Variants in FABP2 observed in about 807,000 individuals in gnomAD.
FABP2 encodes fatty acid-binding protein, intestinal.
A neutral mutation model predicts 16.1 loss-of-function variants in FABP2; 11 were observed. The ratio of observed to expected loss-of-function variants is 0.68; its 90% CI spans 0.43 to 1.13. The LOEUF is 1.13. Ranked by LOEUF, FABP2 falls within the 50% of genes most tolerant of loss-of-function variation. The probability of loss-of-function intolerance (pLI) is 0.00; values close to 1 mark genes in which losing one functional copy is unlikely to be tolerated. For missense variants in FABP2, 146 were observed against 155.1 expected (o/e 0.94, Z 0.31); for synonymous variants, 45 against 50.9 (o/e 0.88, Z 0.49).
rs750578705 is a variant in FABP2 at position 119,322,127 on chromosome 4, G to A, written c.-25C>T. On this transcript the variant is annotated 5_prime_UTR_variant, in exon 1 of 4. Coordinates refer to ENST00000274024, the MANE Select transcript of FABP2 (RefSeq NM_000134.4). The stretch of plus-strand genomic sequence containing the variant: ...TGATTTCAGTTGAGTCAGCCTCTAG[G>A]CAGCTAGAGATTCAGGTCTGTCCTT... The A allele has an allele frequency of 1.8e-5, 28 of 1,593,834 alleles. No homozygotes were observed. Among genetic ancestry groups the A allele is most frequent in the Non-Finnish European group, 2.3e-5 (27 of 1,163,866 alleles).
At position 119,320,839 on chromosome 4, in the gene FABP2, A is replaced by G. The variant is rs769550240; in HGVS notation, c.71T>C (p.Val24Ala). ...NYDKFMEKMG[V>A]NIVKRKLAAH... The stretch of plus-strand genomic sequence containing the variant: ...TGCAAGCTTCCTTTTCACTATATTA[A>G]CACCTGTAAAAGGTAAGACAATGGA... The change falls in exon 2 of 4, where the codon GTT becomes GCT. Residue 24 changes from valine (V) to alanine (A), a missense_variant. Physicochemically the swap from Val to Ala is moderately conservative, Grantham distance 64. Transcript: ENST00000274024. 3.3e-5 allele frequency: 52 copies of G among 1,569,238 alleles called. No individual in the cohort carries two copies. The South Asian group carries it at 6.2e-4, about 19-fold the overall frequency.
At chr4:119,321,991 T>C (rs1344797072) in intron 1 of FABP2, 45 bp downstream of exon 1, 5 of 1,505,848 alleles carry the variant, frequency 3.3e-6, no homozygotes, top group Non-Finnish European at 1.8e-6. Context: ...AGAAAAATGT[T>C]TGTAAGAAAG....
At position 119,319,644 on chromosome 4, in the gene FABP2, C is replaced by A; in HGVS notation, c.241-1G>T. ...TATTTCCCTCAAGGCTCCAGGTCCC[C>A]TACATAATAATAATAATAATAATAA... On this transcript the variant is annotated splice_acceptor_variant, in intron 2 of 3. Transcript: ENST00000274024. LOFTEE classifies it high-confidence loss of function. 1 of 1,006,808 alleles carries A rather than the reference C, an allele frequency of 9.9e-7. No individual in the cohort carries two copies. Among genetic ancestry groups the A allele is most frequent in the South Asian group, 1.9e-5 (1 of 52,644 alleles). The allele number at this position is 1,006,808 out of a possible 1,614,324, so 62.4% of individuals were successfully genotyped here.
chr4:119,318,287 A>G lies in FABP2; in HGVS notation c.*754T>C, dbSNP rs1278664713. 2 of 152,084 alleles carry G rather than the reference A, an allele frequency of 1.3e-5. No homozygotes were observed. The highest frequency in any genetic ancestry group is 2.9e-5 in the Non-Finnish European group (2 of 67,984). 9.4% of individuals were successfully genotyped at this position (152,084 alleles called of 1,614,324 possible). A position where few individuals can be genotyped will look rare whatever the true frequency, so the allele number is the denominator to read the frequency against. On this transcript the variant is annotated 3_prime_UTR_variant, in exon 4 of 4. Transcript: ENST00000274024. ...TGAGTTATGGAAATACTTATTTTAC[A>G]TTTGTGTTTCTTATTTCTAAGTTTT...
In FABP2 at chr4:119,318,969, A is replaced by G; in HGVS notation, c.*72T>C. On this transcript the variant is annotated 3_prime_UTR_variant, in exon 4 of 4. Transcript: ENST00000274024. ...CAGTAACCTTATACTTGATGGGGTG[A>G]AATAAATAGTTCTGGTACAATATAG... 1 of 1,209,200 alleles carries G rather than the reference A, an allele frequency of 8.3e-7. No homozygotes were observed. The highest frequency in any genetic ancestry group is 1.2e-6 in the Non-Finnish European group (1 of 842,242). The allele number at this position is 1,209,200 out of a possible 1,614,324, so 74.9% of individuals were successfully genotyped here. A position where few individuals can be genotyped will look rare whatever the true frequency, so the allele number is the denominator to read the frequency against.
intron 3 of FABP2, 60 bp from the exon 4 acceptor site, chr4:119,319,151 AAGT>A (rs1266306921): frequency 4.5e-6 from 5 of 1,100,212 alleles, no homozygotes; most frequent in Admixed American, 2.4e-5. Flanking sequence ...AGTTAAGAAA[AAGT>A]AGTATTATAG....
intron 1 of FABP2, among the ~76,000 whole-genome samples, 174 bp from the exon 2 acceptor site, chr4:119,321,016 G>A (rs1755660791): frequency 6.6e-6 from 1 of 152,092 alleles, no homozygotes; most frequent in Non-Finnish European, 1.5e-5. Flanking sequence ...ATCAGATCAA[G>A]AGAACTGATT....
At chr4:119,320,641 G>T in intron 2 of FABP2, 29 bp downstream of exon 2, 1 of 1,510,832 alleles carries the variant, frequency 6.6e-7, no homozygotes. Flanking sequence ...AATCAAGAAT[G>T]CATTGCTCAT....
chr4:119,319,421 G>C, intron 3 of FABP2, 115 bp downstream of exon 3: 1 of 584,966 alleles, frequency 1.7e-6, no homozygotes, highest in African/African-American at 1.9e-5. Context: ...AAATCAGTAA[G>C]ATTTATGAGA....
At position 119,320,671 on chromosome 4, in the gene FABP2, C is replaced by G. The variant is rs769786920; in HGVS notation, c.239G>C (p.Arg80Thr). 2 of 1,560,502 alleles carry G rather than the reference C, an allele frequency of 1.3e-6. No homozygotes were observed. The highest frequency in any genetic ancestry group is 1.7e-6 in the Non-Finnish European group (2 of 1,164,050). The change falls in exon 2 of 4, where the codon AGG (arginine) becomes ACG (threonine). Residue 80 changes from arginine (R) to threonine (T), a missense_variant and splice_region_variant. By Grantham distance (71) the Arg-to-Thr change is moderately conservative. Transcript: ENST00000274024. ...GCTCATAAAAAAAAAAATTCTTACC[C>G]TGAGTTCAGTTCCGTCTGCTAGATT... is the stretch of plus-strand genomic sequence containing the variant. Reference protein sequence around the residue: ...NYNLADGTELRGTWSLEGNKL... With the variant: ...NYNLADGTELTGTWSLEGNKL...
chr4:119,320,848 A>T lies in FABP2; in HGVS notation c.68-6T>A. The T allele has an allele frequency of 1.3e-6, 2 of 1,555,004 alleles. No individual in the cohort carries two copies. Among genetic ancestry groups the T allele is most frequent in the Non-Finnish European group, 1.7e-6 (2 of 1,159,830 alleles). On this transcript the variant is annotated splice_region_variant and splice_polypyrimidine_tract_variant and intron_variant, in intron 1 of 3. Coordinates refer to ENST00000274024, the MANE Select transcript of FABP2 (RefSeq NM_000134.4). ...CCTTTTCACTATATTAACACCTGTA[A>T]AAGGTAAGACAATGGAGAAAATAAA... is the stretch of plus-strand genomic sequence containing the variant.
At chr4:119,320,990 C>A in intron 1 of FABP2, 148 bp from the exon 2 acceptor site, 1 of 608,330 alleles carries the variant, frequency 1.6e-6, no homozygotes, top group Non-Finnish European at 2.7e-6. Context: ...ATTGCTTCTA[C>A]AGAAGTTCAG....
intron 2 of FABP2, among the ~76,000 whole-genome samples, chr4:119,320,226 C>T (rs1047981121): frequency 6.6e-6 from 1 of 152,036 alleles, no homozygotes; most frequent in African/African-American, 2.4e-5. Context: ...AAAAGGTACA[C>T]TCCCAATGAC....
chr4:119,319,071 T>TAAAG lies in FABP2; in HGVS notation c.368_369insCTTT (p.Glu124PhefsTer8). 6.2e-7 allele frequency: 1 copy of TAAAG among 1,601,946 alleles called. No homozygotes were observed. ...CCTTTTTAAAGATCCTTTTGGCTTC[T>TAAAG]ACTCCTTCATATACATAAGTCTGAA... On this transcript the variant is annotated frameshift_variant, in exon 4 of 4. Coordinates refer to ENST00000274024, the MANE Select transcript of FABP2 (RefSeq NM_000134.4). LOFTEE classifies it high-confidence loss of function.
At chr4:119,319,142 G>A in intron 3 of FABP2, 51 bp from the exon 4 acceptor site, 1 of 1,262,818 alleles carries the variant, frequency 7.9e-7, no homozygotes, top group South Asian at 1.4e-5. Context: ...TTACATCTAA[G>A]TTAAGAAAAA....
chr4:119,320,983 G>C, intron 1 of FABP2, 141 bp from the exon 2 acceptor site: 2 of 631,962 alleles, frequency 3.2e-6, no homozygotes, highest in Non-Finnish European at 2.5e-6. Context: ...CATTCAGATT[G>C]CTTCTACAGA....
intron 1 of FABP2, among the ~76,000 whole-genome samples, chr4:119,321,547 A>T (rs1031231459): frequency 6.6e-6 from 1 of 152,148 alleles, no homozygotes; most frequent in Non-Finnish European, 1.5e-5. Flanking sequence ...AGAAAACTAC[A>T]CAGCTTCTCA....
chr4:119,319,587 A>C lies in FABP2; in HGVS notation c.297T>G (p.Asn99Lys). 3.2e-6 allele frequency: 5 copies of C among 1,545,114 alleles called. No homozygotes were observed. The highest frequency in any genetic ancestry group is 3.6e-4 in the Middle Eastern group (2 of 5,550). ...KLIGKFKRTD[N>K]GNELNTVREI... ...CTCGGACAGTATTCAGTTCGTTTCCATTGTCTGTCCGTTTGAATTTTCCAA... is the reference window on the plus strand; with the variant it reads ...CTCGGACAGTATTCAGTTCGTTTCCCTTGTCTGTCCGTTTGAATTTTCCAA... Residue 99 changes from asparagine to lysine, a missense_variant, in exon 3 of 4, where the codon AAT becomes AAG. Asn to Lys is a moderately conservative substitution (Grantham distance 94). Coordinates refer to ENST00000274024, the MANE Select transcript of FABP2 (RefSeq NM_000134.4).
chr4:119,321,057 T>C (rs1208964751), intron 1 of FABP2, among the ~76,000 whole-genome samples: 1 of 152,082 alleles, frequency 6.6e-6, no homozygotes, highest in Non-Finnish European at 1.5e-5. Context: ...TGAGAAAAAT[T>C]AAGTAGAGTA....
Sources: allele counts gnomAD v4.1 joint callset (sites outside exome capture counted in the v4.1 genomes callset), GRCh38; gene constraint gnomAD v4.1.1; transcripts MANE v1.5; gene names NCBI Gene and HGNC (gene_info 2026-07-23, HGNC 2026-07-21).